The following PPP1R21 variants were observed in gnomAD, a reference collection of about 807,000 sequenced individuals.
PPP1R21 encodes KLRAQ motif containing 1.
PPP1R21 carries 85 observed loss-of-function variants against 112.8 expected under a neutral mutation model. That is an observed-to-expected ratio of 0.75 (90% CI 0.63 to 0.90). The LOEUF (loss-of-function observed/expected upper bound fraction) is 0.90, where lower values mean the gene tolerates loss of function less well. PPP1R21 is among the 40% of genes least tolerant of loss of function. The pLI, the probability that PPP1R21 is intolerant of heterozygous loss-of-function variation, is 0.00. For synonymous variants in PPP1R21, 381 were observed against 322.3 expected, an observed-to-expected ratio of 1.18 and a Z score of -1.95; for missense variants, 1,199 against 901.5, an observed-to-expected ratio of 1.33 and a Z score of -4.23.
chr2:48,491,156 A>G lies in PPP1R21; in HGVS notation c.1585A>G (p.Lys529Glu). 1 of 1,611,940 alleles carries G rather than the reference A, an allele frequency of 6.2e-7. No homozygotes were observed. Among genetic ancestry groups the G allele is most frequent in the South Asian group, 1.1e-5 (1 of 90,350 alleles). ...QYKKKAAAYM[K>E]SLRKPLLESV... ...TAAGAAAAAAGCTGCTGCCTATATG[A>G]AGTCTTTGAGAAAGGTTTGTTAGCT... The change falls in exon 15 of 22, where the codon AAG (lysine) becomes GAG (glutamate). Residue 529 changes from lysine (K) to glutamate (E), a missense_variant. Lys to Glu is a moderately conservative substitution (Grantham distance 56). Coordinates refer to ENST00000294952, the MANE Select transcript of PPP1R21 (RefSeq NM_001135629.3).
At chr2:48,469,433 TATATATATATAGAG>T in intron 9 of PPP1R21, among the ~76,000 whole-genome samples, 1 of 71,790 alleles carries the variant, frequency 1.4e-5, no homozygotes. Flanking sequence ...ATATAGAGCA[TATATATATATAGAG>T]AGAGCATATA....
intron 11 of PPP1R21, 85 bp downstream of exon 11, chr2:48,471,452 C>G (rs1206338027): frequency 7.7e-7 from 1 of 1,298,024 alleles, no homozygotes; most frequent in Non-Finnish European, 1.1e-6. Flanking sequence ...TAACATGTGC[C>G]TCTTGTGATC....
At chr2:48,461,295 A>G (rs1667966665) in intron 7 of PPP1R21, 63 bp downstream of exon 7, 1 of 1,432,284 alleles carries the variant, frequency 7.0e-7, no homozygotes, top group Non-Finnish European at 9.1e-7. Flanking sequence ...TAGCCAACTA[A>G]TTAAAGTAAT....
intron 3 of PPP1R21, among the ~76,000 whole-genome samples, chr2:48,456,676 G>A (rs879930207): frequency 1.3e-5 from 2 of 152,284 alleles, no homozygotes; most frequent in South Asian, 2.1e-4. Context: ...AAGCATTCCC[G>A]AGAGTGTTAG....
At chr2:48,503,102 A>G (rs1407014534) in intron 17 of PPP1R21, among the ~76,000 whole-genome samples, 6 of 152,230 alleles carry the variant, frequency 3.9e-5, no homozygotes, top group South Asian at 4.1e-4. Flanking sequence ...AAAGATAGCA[A>G]TAGCCTTAAA....
chr2:48,480,087 A>C, intron 13 of PPP1R21, 71 bp downstream of exon 13: 1 of 1,029,322 alleles, frequency 9.7e-7, no homozygotes, highest in South Asian at 1.3e-5. Context: ...AATAAGATTT[A>C]AACAAACACT....
intron 13 of PPP1R21, among the ~76,000 whole-genome samples, chr2:48,481,129 C>T (rs775141896): frequency 6.6e-6 from 1 of 152,194 alleles, no homozygotes; most frequent in Non-Finnish European, 1.5e-5. Context: ...GCTGGGATTA[C>T]AGGTACACAC....
Position 48,465,003 on chromosome 2 carries a change from T to A in PPP1R21, c.747+14T>A. 1 of 1,554,024 alleles carries A rather than the reference T, an allele frequency of 6.4e-7. No homozygotes were observed. The highest frequency in any genetic ancestry group is 8.6e-7 in the Non-Finnish European group (1 of 1,158,930). ...AGGAGACACCAGGTAAAGGATGAAG[T>A]ACATGTTTTTATTTTCAGTTATATA... On this transcript the variant is annotated intron_variant, in intron 8 of 21. Coordinates refer to ENST00000294952, the MANE Select transcript of PPP1R21 (RefSeq NM_001135629.3).
intron 14 of PPP1R21, among the ~76,000 whole-genome samples, chr2:48,487,927 ATCTT>A (rs1251836333): frequency 1.3e-5 from 2 of 152,218 alleles, no homozygotes; most frequent in Non-Finnish European, 2.9e-5. Context: ...ATTCAGAACT[ATCTT>A]AGCCCATTTA....
intron 15 of PPP1R21, among the ~76,000 whole-genome samples, chr2:48,495,062 GA>G (rs1197279926): frequency 6.6e-6 from 1 of 152,162 alleles, no homozygotes; most frequent in African/African-American, 2.4e-5. Flanking sequence ...TACTGAAAGT[GA>G]AAAACAGAAT....
At chr2:48,457,232 G>A (rs1667767932) in intron 3 of PPP1R21, among the ~76,000 whole-genome samples, 1 of 152,150 alleles carries the variant, frequency 6.6e-6, no homozygotes, top group South Asian at 2.1e-4. Context: ...GAAGCACTAA[G>A]GACCCTGAAT....
chr2:48,489,141 T>A (rs973498881), intron 14 of PPP1R21, among the ~76,000 whole-genome samples: 1 of 152,222 alleles, frequency 6.6e-6, no homozygotes, highest in African/African-American at 2.4e-5. Context: ...TTTTACAGAT[T>A]ACTTTTTAAA....
At chr2:48,478,187 T>G (rs1668844039) in intron 12 of PPP1R21, among the ~76,000 whole-genome samples, 1 of 152,190 alleles carries the variant, frequency 6.6e-6, no homozygotes, top group Non-Finnish European at 1.5e-5. Flanking sequence ...CACCTTGATT[T>G]TGGACTTCTG....
chr2:48,445,245 A>G (rs1047990188), intron 1 of PPP1R21, among the ~76,000 whole-genome samples: 5 of 151,328 alleles, frequency 3.3e-5, no homozygotes, highest in Non-Finnish European at 7.4e-5. Flanking sequence ...TTTCCATGAG[A>G]ATGAAAATGT....
chr2:48,489,400 C>G (rs913839107), intron 14 of PPP1R21, among the ~76,000 whole-genome samples: 5 of 151,270 alleles, frequency 3.3e-5, no homozygotes, highest in African/African-American at 1.2e-4. Flanking sequence ...ACTTGGGAGG[C>G]TCAGGTAAGA....
At position 48,469,469 on chromosome 2, in the gene PPP1R21, CAT is replaced by C. The variant is rs146311511; in HGVS notation, c.898-1604_898-1603del. On this transcript the variant is annotated intron_variant, in intron 9 of 21. Transcript: ENST00000294952. ...AGAGAGAGCATATATATATATAGAGCATATATATATATATAGAGCATATATAT... is the reference window on the plus strand; with the variant it reads ...AGAGAGAGCATATATATATATAGAGCATATATATATATAGAGCATATATAT... 4.6e-3 allele frequency among the ~76,000 whole-genome samples: 269 copies of C among 58,512 alleles called. 28 individuals are homozygous for C. Among genetic ancestry groups the C allele is most frequent in the African/African-American group, 0.016 (234 of 14,902 alleles). The allele number at this position is 58,512 out of a possible 152,430, so 38.4% of individuals were successfully genotyped here.
intron 16 of PPP1R21, among the ~76,000 whole-genome samples, chr2:48,496,917 G>A (rs1669872106): frequency 6.6e-6 from 1 of 152,214 alleles, no homozygotes. Flanking sequence ...GCATGCCCAG[G>A]GAGGACATGG....
intron 1 of PPP1R21, among the ~76,000 whole-genome samples, chr2:48,446,604 A>G (rs1000382185): frequency 1.3e-5 from 2 of 152,222 alleles, no homozygotes; most frequent in Admixed American, 6.5e-5. Flanking sequence ...TGATTAATCA[A>G]ATTAACTGAT....
intron 15 of PPP1R21, among the ~76,000 whole-genome samples, chr2:48,494,167 A>C (rs908641382): frequency 1.6e-5 from 2 of 127,116 alleles, no homozygotes; most frequent in Non-Finnish European, 3.2e-5. Flanking sequence ...GGAGTCTGGG[A>C]GGTCAAGGCT....
Sources: gnomAD v4.1 joint callset for allele counts (sites outside exome capture counted in the v4.1 genomes callset) on GRCh38, gnomAD v4.1.1 for gene constraint, MANE v1.5 for transcripts, NCBI Gene and HGNC (gene_info 2026-07-23, HGNC 2026-07-21) for gene names.